Variants in OPCML observed in about 807,000 individuals in gnomAD.
The protein encoded by OPCML is opioid-binding protein/cell adhesion molecule.
Under a neutral mutation model 37.8 loss-of-function variants are expected in OPCML, and 13 were observed. That is an observed-to-expected ratio of 0.34 (90% confidence interval 0.22 to 0.55). The LOEUF (loss-of-function observed/expected upper bound fraction) is 0.55, where lower values mean the gene tolerates loss of function less well. Among genes scored for constraint, OPCML ranks in the 20% least tolerant of loss-of-function variants. OPCML has a pLI of 0.91. For synonymous variants in OPCML, 176 were observed against 168.8 expected (o/e 1.04, Z -0.33); for missense variants, 341 against 435.6 (o/e 0.78, Z 1.93).
intron 1 of OPCML, among the ~76,000 whole-genome samples, chr11:133,426,193 C>A (rs1945998442): frequency 1.3e-5 from 2 of 152,148 alleles, no homozygotes; most frequent in Admixed American, 6.5e-5. Context: ...GAAATTATCT[C>A]CTAGTTGAGC....
intron 2 of OPCML, among the ~76,000 whole-genome samples, chr11:132,687,597 A>G (rs182111887): frequency 6.6e-6 from 1 of 151,252 alleles, no homozygotes; most frequent in Non-Finnish European, 1.5e-5. Context: ...TCCCTCAAAT[A>G]CTCAGAGAAT....
rs548106329 is a variant in OPCML, at chr11:133,393,633, G to A, written c.61+138631C>T. ...TGGCACCCAGTGGGTGAGAAGCTCC[G>A]TGGATCCTAGCTGCTGTGATGGCTG... On this transcript the variant is annotated intron_variant, in intron 1 of 7. Transcript: ENST00000524381. Among the ~76,000 whole-genome samples, 13 of 152,316 alleles carry A rather than the reference G, an allele frequency of 8.5e-5. No homozygotes were observed. The East Asian group carries it at 2.3e-3, about 27-fold the overall frequency.
chr11:132,627,046 G>T (rs1419185050), intron 3 of OPCML, among the ~76,000 whole-genome samples: 1 of 151,988 alleles, frequency 6.6e-6, no homozygotes, highest in Non-Finnish European at 1.5e-5. Context: ...AGATAAATAA[G>T]CAGATCCATT....
intron 3 of OPCML, among the ~76,000 whole-genome samples, chr11:132,544,378 A>G (rs1380716545): frequency 6.6e-6 from 1 of 152,182 alleles, no homozygotes; most frequent in Non-Finnish European, 1.5e-5. Flanking sequence ...TGAGACATAC[A>G]CAAAATTATC....
intron 2 of OPCML, among the ~76,000 whole-genome samples, chr11:132,864,305 C>A (rs892438628): frequency 6.6e-6 from 1 of 152,152 alleles, no homozygotes; most frequent in Non-Finnish European, 1.5e-5. Flanking sequence ...TCCAATTAAT[C>A]TGCCTTTTGT....
chr11:132,656,295 T>C (rs1379479151), intron 3 of OPCML, among the ~76,000 whole-genome samples: 2 of 152,250 alleles, frequency 1.3e-5, no homozygotes, highest in Non-Finnish European at 2.9e-5. Flanking sequence ...TATCTGCATG[T>C]GTTTTTAATT....
intron 7 of OPCML, among the ~76,000 whole-genome samples, chr11:132,426,792 C>T (rs1457376741): frequency 6.6e-6 from 1 of 152,168 alleles, no homozygotes; most frequent in East Asian, 1.9e-4. Context: ...TAAAGCCACA[C>T]CTACCACATA....
At chr11:133,019,595 A>T (rs928878547) in intron 1 of OPCML, among the ~76,000 whole-genome samples, 7 of 152,202 alleles carry the variant, frequency 4.6e-5, no homozygotes, top group African/African-American at 1.4e-4. Context: ...AGTTTTAGAA[A>T]AAAGGAGCTA....
chr11:133,439,409 A>C, intron 1 of OPCML: 1 of 985,222 alleles, frequency 1.0e-6, no homozygotes, highest in Non-Finnish European at 1.2e-6. Flanking sequence ...GTTTCAGGGA[A>C]TAGGAAATGC....
At chr11:132,696,719 C>A (rs1169414665) in intron 2 of OPCML, among the ~76,000 whole-genome samples, 1 of 151,988 alleles carries the variant, frequency 6.6e-6, no homozygotes, top group Non-Finnish European at 1.5e-5. Context: ...GTATCACATA[C>A]AACAAAACTT....
At chr11:132,693,435 T>C (rs1186987780) in intron 2 of OPCML, among the ~76,000 whole-genome samples, 1 of 152,188 alleles carries the variant, frequency 6.6e-6, no homozygotes, top group Non-Finnish European at 1.5e-5. Context: ...TTCAAACAAA[T>C]TGTACAAACA....
chr11:132,660,302 A>T (rs1400104233), intron 2 of OPCML, among the ~76,000 whole-genome samples: 5 of 152,242 alleles, frequency 3.3e-5, no homozygotes, highest in Admixed American at 3.3e-4. Context: ...CAATTATTTG[A>T]ATGCTTTCCA....
At chr11:133,319,814 C>T (rs1317474362) in intron 1 of OPCML, among the ~76,000 whole-genome samples, 1 of 152,156 alleles carries the variant, frequency 6.6e-6, no homozygotes, top group Admixed American at 6.5e-5. Flanking sequence ...CCTGAGGTCG[C>T]CCTGGAGGAA....
intron 3 of OPCML, among the ~76,000 whole-genome samples, chr11:132,562,615 T>A (rs948955943): frequency 1.3e-5 from 2 of 152,132 alleles, no homozygotes; most frequent in Admixed American, 1.3e-4. Context: ...CTTGTGTGTT[T>A]AATACCCCAG....
intron 1 of OPCML, among the ~76,000 whole-genome samples, chr11:133,467,991 A>G (rs1317244472): frequency 1.3e-5 from 2 of 152,086 alleles, no homozygotes; most frequent in Non-Finnish European, 2.9e-5. Context: ...CAATTTTGTC[A>G]CCTCTACAGT....
chr11:133,091,704 G>T (rs1348679697), intron 1 of OPCML, among the ~76,000 whole-genome samples: 1 of 152,102 alleles, frequency 6.6e-6, no homozygotes, highest in Non-Finnish European at 1.5e-5. Context: ...TCCCACCATG[G>T]TATTTCAAAA....
Position 132,870,715 on chromosome 11 carries a change from A to G in OPCML, c.146+72211T>C, listed in dbSNP as rs149301328. 2.7e-4 allele frequency among the ~76,000 whole-genome samples: 41 copies of G among 152,306 alleles called. No homozygotes were observed. The East Asian group carries it at 7.3e-3, about 27-fold the overall frequency. ...TTGTAGATAAATTCGATGAAATACC[A>G]TTTGGCCTTAAAATAAGGAAATCCT... On this transcript the variant is annotated intron_variant, in intron 2 of 7. Coordinates refer to ENST00000524381, the MANE Select transcript of OPCML (RefSeq NM_001012393.5).
chr11:132,422,634 A>G (rs2095963712), intron 7 of OPCML, among the ~76,000 whole-genome samples: 1 of 152,234 alleles, frequency 6.6e-6, no homozygotes, highest in South Asian at 2.1e-4. Context: ...TCATTTAATC[A>G]TCACATCAAC....
At chr11:133,079,756 TGTAAG>T (rs1035114879) in intron 1 of OPCML, among the ~76,000 whole-genome samples, 6 of 152,092 alleles carry the variant, frequency 3.9e-5, no homozygotes, top group Non-Finnish European at 8.8e-5. Flanking sequence ...GCCTGCCTGT[TGTAAG>T]GTGAGAGGAA....
Sources: gnomAD v4.1 joint callset for allele counts (sites outside exome capture counted in the v4.1 genomes callset) on GRCh38, gnomAD v4.1.1 for gene constraint, MANE v1.5 for transcripts, NCBI Gene and HGNC (gene_info 2026-07-23, HGNC 2026-07-21) for gene names.